Variants in SLIT1 observed in about 807,000 individuals in gnomAD.
SLIT1 encodes slit guidance ligand 1, also known as slit homolog 1 protein.
A neutral mutation model predicts 186.1 loss-of-function variants in SLIT1; 66 were observed. The observed-to-expected ratio is 0.35, with a 90% CI of 0.29 to 0.44. SLIT1 has a LOEUF of 0.44. Among genes scored for constraint, SLIT1 ranks in the 20% least tolerant of loss-of-function variants. The probability of loss-of-function intolerance (pLI) is 1.00; values close to 1 mark genes in which losing one functional copy is unlikely to be tolerated. For missense variants in SLIT1, 1,638 were observed against 2,037.4 expected (o/e 0.80, Z 3.77); for synonymous variants, 761 against 833.8 (o/e 0.91, Z 1.50).
Position 97,006,852 on chromosome 10 carries a change from T to C in SLIT1, c.3342-132A>G. On this transcript the variant is annotated intron_variant, in intron 31 of 36. Transcript: ENST00000266058. The surrounding 1 kb of genome is among the most constrained non-coding windows in gnomAD (Gnocchi z 4.0). Reference sequence around the variant, plus strand: ...TTAAAGCGACAGAAGATGCTCCTAATAAACACTTTTCATGAGAGAGCTGAG... The same window carrying C: ...TTAAAGCGACAGAAGATGCTCCTAACAAACACTTTTCATGAGAGAGCTGAG... 1 of 662,228 alleles carries C rather than the reference T, an allele frequency of 1.5e-6. No individual in the cohort carries two copies. The highest frequency in any genetic ancestry group is 1.9e-5 in the South Asian group (1 of 53,102). 41.0% of individuals were successfully genotyped at this position (662,228 alleles called of 1,614,324 possible).
chr10:97,169,319 G>A (rs1850157685), intron 1 of SLIT1, among the ~76,000 whole-genome samples: 1 of 152,202 alleles, frequency 6.6e-6, no homozygotes, highest in East Asian at 1.9e-4. Flanking sequence ...AAGCTCCCGG[G>A]TCTGAGGGCT....
chr10:97,001,532 C>T (rs1386683182), intron 36 of SLIT1, among the ~76,000 whole-genome samples, 182 bp from the exon 37 acceptor site: 2 of 152,198 alleles, frequency 1.3e-5, no homozygotes, highest in South Asian at 4.1e-4. Context: ...CAAGCTTCCT[C>T]CCAGGGCCTA....
rs1365407698 is a variant in SLIT1, at chr10:97,084,941, T to TTG, written c.414-18856_414-18855insCA. ...TTTCTTTCCTTTTTTTTTTTTTTTT[T>TTG]GAAACAGAGTCTCACTCTGTCGCCC... On this transcript the variant is annotated intron_variant, in intron 4 of 36. Coordinates refer to ENST00000266058, the MANE Select transcript of SLIT1 (RefSeq NM_003061.3). 4.7e-5 allele frequency among the ~76,000 whole-genome samples: 7 copies of TTG among 149,076 alleles called. No homozygotes were observed. The East Asian group carries it at 1.4e-3, about 29-fold the overall frequency.
At chr10:97,009,094 G>A (rs1848389168) in intron 31 of SLIT1, among the ~76,000 whole-genome samples, 1 of 152,006 alleles carries the variant, frequency 6.6e-6, no homozygotes, top group Non-Finnish European at 1.5e-5. Flanking sequence ...AGCCAGGATG[G>A]TCTCGATCTC....
At chr10:97,005,184 T>C (rs1848349581) in intron 32 of SLIT1, among the ~76,000 whole-genome samples, 2 of 152,152 alleles carry the variant, frequency 1.3e-5, no homozygotes, top group African/African-American at 4.8e-5. Context: ...CCTTGCCCTG[T>C]GGGCCTTGGG....
At chr10:97,097,579 G>A (rs1203621881) in intron 4 of SLIT1, among the ~76,000 whole-genome samples, 1 of 152,178 alleles carries the variant, frequency 6.6e-6, no homozygotes, top group Admixed American at 6.5e-5. Flanking sequence ...TATCAAAGAC[G>A]TCTTGCCTTC....
intron 1 of SLIT1, among the ~76,000 whole-genome samples, chr10:97,185,002 TC>T (rs1850391512): frequency 1.3e-5 from 2 of 152,180 alleles, no homozygotes; most frequent in Admixed American, 6.5e-5. Context: ...TTCGCCTCCA[TC>T]CCACCCTGCT....
intron 1 of SLIT1, among the ~76,000 whole-genome samples, chr10:97,176,371 C>A (rs1850256050): frequency 6.6e-6 from 1 of 152,140 alleles, no homozygotes; most frequent in South Asian, 2.1e-4. Context: ...CTGCCTCTGT[C>A]CTTCTCTGGC....
rs1564649625 is a variant in SLIT1 at position 96,998,752 on chromosome 10, G to C, written c.*2360C>G. 1 of 152,348 alleles carries C rather than the reference G, an allele frequency of 6.6e-6. No individual in the cohort carries two copies. Among genetic ancestry groups the C allele is most frequent in the East Asian group, 1.9e-4 (1 of 5,206 alleles). The allele number at this position is 152,348 out of a possible 1,614,324, so 9.4% of individuals were successfully genotyped here. On this transcript the variant is annotated 3_prime_UTR_variant, in exon 37 of 37. Transcript: ENST00000266058. Reference sequence around the variant, plus strand: ...GAGGTCAGCGCTGCTGTGCTAGGAGGCTGGGCCATGTGGTGGGGCCGGTCA... The same window carrying C: ...GAGGTCAGCGCTGCTGTGCTAGGAGCCTGGGCCATGTGGTGGGGCCGGTCA...
intron 13 of SLIT1, among the ~76,000 whole-genome samples, chr10:97,054,458 AAC>A (rs1848820059): frequency 6.6e-6 from 1 of 152,146 alleles, no homozygotes; most frequent in Non-Finnish European, 1.5e-5. Context: ...CCTTGATAGT[AAC>A]ACAAAAACAG....
chr10:97,063,459 G>A lies in SLIT1; in HGVS notation c.789C>T (p.Cys263=), dbSNP rs747271817. Residue 263 remains cysteine (C), a synonymous_variant, in exon 8 of 37, where the codon TGC becomes TGT. Coordinates refer to ENST00000266058, the MANE Select transcript of SLIT1 (RefSeq NM_003061.3). ...CCGGCAGGGGTCTGCACCCACCTGA[G>A]CAGCTGAACTCACTCTTCTGGACCT... The part of the protein sequence containing the change: ...VAEVQKSEFS[C]SGQGEAGRVP... The A allele has an allele frequency of 1.9e-6, 3 of 1,612,654 alleles. No individual in the cohort carries two copies. The highest frequency in any genetic ancestry group is 3.3e-5 in the Admixed American group (2 of 60,018).
chr10:97,061,630 T>A (rs1163501407), intron 8 of SLIT1, among the ~76,000 whole-genome samples: 1 of 152,278 alleles, frequency 6.6e-6, no homozygotes, highest in Admixed American at 6.5e-5. Context: ...CAGTAGTTTG[T>A]TCTTTTTCAT....
chr10:97,145,326 C>T (rs981662041), intron 4 of SLIT1, among the ~76,000 whole-genome samples: 4 of 152,074 alleles, frequency 2.6e-5, no homozygotes, highest in African/African-American at 4.8e-5. Context: ...CCCTGTTGGC[C>T]GGGATGGTCT....
At position 97,166,530 on chromosome 10, in the gene SLIT1, A is replaced by AGAAG. The variant is rs1241751831; in HGVS notation, c.198-1644_198-1641dup. On this transcript the variant is annotated intron_variant, in intron 1 of 36. Transcript: ENST00000266058. ...AAACTCTGTCTCCAAAAAAAAAGAA[A>AGAAG]GAAGGAAGGAAGGAAGGAAGGAAGG... is the stretch of plus-strand genomic sequence containing the variant. 1.8e-3 allele frequency among the ~76,000 whole-genome samples: 91 copies of AGAAG among 49,758 alleles called. 1 individual carries two copies. Among genetic ancestry groups the AGAAG allele is most frequent in the African/African-American group, 5.2e-3 (82 of 15,876 alleles). 32.6% of individuals were successfully genotyped at this position (49,758 alleles called of 152,430 possible).
At chr10:97,173,806 A>C (rs1264798728) in intron 1 of SLIT1, among the ~76,000 whole-genome samples, 2 of 152,190 alleles carry the variant, frequency 1.3e-5, no homozygotes, top group Non-Finnish European at 2.9e-5. Flanking sequence ...TCAGCCCAGA[A>C]GGGCAGAGTG....
intron 4 of SLIT1, among the ~76,000 whole-genome samples, chr10:97,080,780 G>A (rs1056772510): frequency 2.6e-5 from 4 of 152,188 alleles, no homozygotes; most frequent in Non-Finnish European, 5.9e-5. Flanking sequence ...TTGACAAATT[G>A]GCCATTCCAT....
intron 21 of SLIT1, among the ~76,000 whole-genome samples, chr10:97,039,559 T>TA (rs147445164): frequency 0.046 from 7,010 of 151,494 alleles, 229 homozygotes; most frequent in Middle Eastern, 0.15. Flanking sequence ...TTTATGACAG[T>TA]AAAAAAAAAT....
chr10:97,156,234 G>A (rs1290622090), intron 4 of SLIT1, among the ~76,000 whole-genome samples: 4 of 152,182 alleles, frequency 2.6e-5, no homozygotes, highest in East Asian at 1.9e-4. Flanking sequence ...GCAACAGGAA[G>A]TGACCAGAAA....
intron 21 of SLIT1, among the ~76,000 whole-genome samples, chr10:97,038,933 G>A (rs1483160096): frequency 6.6e-6 from 1 of 152,152 alleles, no homozygotes; most frequent in Non-Finnish European, 1.5e-5. Flanking sequence ...GTCAAAGAAG[G>A]TAGGCTGCCC....
Sources: allele counts gnomAD v4.1 joint callset (sites outside exome capture counted in the v4.1 genomes callset), GRCh38; gene constraint gnomAD v4.1.1; non-coding constraint Gnocchi (gnomAD v3.1); transcripts MANE v1.5; gene names NCBI Gene and HGNC (gene_info 2026-07-23, HGNC 2026-07-21).